The following TBL1XR1 variants were observed in gnomAD, a reference collection of about 807,000 sequenced individuals.
TBL1XR1 encodes F-box-like/WD repeat-containing protein TBL1XR1.
A neutral mutation model predicts 66.9 loss-of-function variants in TBL1XR1; 5 were observed. The ratio of observed to expected loss-of-function variants is 0.07; its 90% CI spans 0.04 to 0.16. The LOEUF (loss-of-function observed/expected upper bound fraction) is 0.16. Among genes scored for constraint, TBL1XR1 ranks in the 10% least tolerant of loss-of-function variants. The pLI is 1.00. For missense variants in TBL1XR1, 238 were observed against 623.2 expected (o/e 0.38, Z 6.58); for synonymous variants, 210 against 206.0 (o/e 1.02, Z -0.17).
intron 2 of TBL1XR1, among the ~76,000 whole-genome samples, chr3:177,073,033 C>T (rs1378862438): frequency 2.0e-5 from 3 of 151,914 alleles, no homozygotes; most frequent in Non-Finnish European, 2.9e-5. Flanking sequence ...CACTGCACTC[C>T]AACCTGGGTG....
At chr3:177,053,201 A>G (rs1419960976) in intron 4 of TBL1XR1, among the ~76,000 whole-genome samples, 2 of 152,238 alleles carry the variant, frequency 1.3e-5, no homozygotes, top group Non-Finnish European at 2.9e-5. Context: ...ATATTAATTT[A>G]GGCTCTGCAG....
intron 1 of TBL1XR1, among the ~76,000 whole-genome samples, chr3:177,187,419 A>G (rs997041754): frequency 2.0e-5 from 3 of 151,392 alleles, no homozygotes; most frequent in African/African-American, 7.3e-5. Context: ...GAATCCTAGG[A>G]TCTTAATAAA....
intron 2 of TBL1XR1, among the ~76,000 whole-genome samples, chr3:177,066,296 A>G (rs1719156175): frequency 6.6e-6 from 1 of 152,144 alleles, no homozygotes; most frequent in Non-Finnish European, 1.5e-5. Flanking sequence ...ATGGGAGGCA[A>G]TGACAATTTT....
At chr3:177,170,243 C>G (rs554698972) in intron 1 of TBL1XR1, among the ~76,000 whole-genome samples, 1 of 152,156 alleles carries the variant, frequency 6.6e-6, no homozygotes, top group Admixed American at 6.5e-5. Flanking sequence ...ACAAGCCTCT[C>G]ATGACCTGGG....
At chr3:177,075,015 CCTT>C (rs1720514631) in intron 2 of TBL1XR1, among the ~76,000 whole-genome samples, 1 of 152,184 alleles carries the variant, frequency 6.6e-6, no homozygotes, top group Non-Finnish European at 1.5e-5. Flanking sequence ...ATCCACATGT[CCTT>C]CTGCATCAGT....
intron 2 of TBL1XR1, among the ~76,000 whole-genome samples, chr3:177,095,239 C>T (rs902625641): frequency 6.6e-6 from 1 of 151,604 alleles, no homozygotes; most frequent in Non-Finnish European, 1.5e-5. Context: ...AACTCGCAGG[C>T]GGGTAGGAGA....
chr3:177,031,815 G>C (rs528553370), intron 14 of TBL1XR1, among the ~76,000 whole-genome samples: 1 of 151,564 alleles, frequency 6.6e-6, no homozygotes, highest in Non-Finnish European at 1.5e-5. Context: ...TGTAATGTAA[G>C]ATTCAGGCTT....
chr3:177,181,482 A>AT (rs1734816993), intron 1 of TBL1XR1, among the ~76,000 whole-genome samples: 1 of 151,086 alleles, frequency 6.6e-6, no homozygotes, highest in Non-Finnish European at 1.5e-5. Context: ...TCCGTCTTAA[A>AT]AAAAAAAAAA....
At chr3:177,032,781 G>T (rs1006953677) in intron 14 of TBL1XR1, 190 bp downstream of exon 14, 10 of 432,766 alleles carry the variant, frequency 2.3e-5, no homozygotes, top group Non-Finnish European at 3.6e-5. Flanking sequence ...TAAAACAAAT[G>T]ATCAAAATCC....
chr3:177,115,624 T>C (rs990393020), intron 1 of TBL1XR1, among the ~76,000 whole-genome samples: 3 of 152,158 alleles, frequency 2.0e-5, no homozygotes, highest in African/African-American at 4.8e-5. Context: ...CATTCCACTC[T>C]TTCCCCGCAA....
intron 1 of TBL1XR1, among the ~76,000 whole-genome samples, chr3:177,107,368 T>G: frequency 6.6e-6 from 1 of 152,366 alleles, no homozygotes; most frequent in East Asian, 1.9e-4. Flanking sequence ...ATTTTGAAAG[T>G]TGGCATAATC....
intron 1 of TBL1XR1, among the ~76,000 whole-genome samples, chr3:177,184,320 C>T (rs1009114436): frequency 1.3e-5 from 2 of 152,116 alleles, no homozygotes; most frequent in Non-Finnish European, 2.9e-5. Context: ...TTCCACAAAT[C>T]CCATTGTGCC....
intron 2 of TBL1XR1, among the ~76,000 whole-genome samples, chr3:177,095,753 G>C (rs1294427426): frequency 6.6e-6 from 1 of 152,146 alleles, no homozygotes; most frequent in Admixed American, 6.5e-5. Context: ...AAAGTGCTGG[G>C]ATTATAGGCA....
At chr3:177,032,784 C>A in intron 14 of TBL1XR1, 187 bp downstream of exon 14, 4 of 440,190 alleles carry the variant, frequency 9.1e-6, no homozygotes, top group East Asian at 7.2e-5. Flanking sequence ...AACAAATGAT[C>A]AAAATCCATT....
intron 2 of TBL1XR1, among the ~76,000 whole-genome samples, chr3:177,096,707 T>C (rs932874327): frequency 4.6e-5 from 7 of 152,168 alleles, no homozygotes; most frequent in Non-Finnish European, 1.0e-4. Context: ...CCAAAGTTGA[T>C]TTACCATGAA....
At chr3:177,167,149 T>C (rs1732920512) in intron 1 of TBL1XR1, among the ~76,000 whole-genome samples, 1 of 152,156 alleles carries the variant, frequency 6.6e-6, no homozygotes, top group South Asian at 2.1e-4. Flanking sequence ...AGACAATGGA[T>C]TATTATTCTA....
chr3:177,062,745 T>C (rs1396886287), intron 3 of TBL1XR1, among the ~76,000 whole-genome samples: 3 of 152,174 alleles, frequency 2.0e-5, no homozygotes, highest in Non-Finnish European at 2.9e-5. Flanking sequence ...CAGTCTACCA[T>C]ACAAATTTTT....
chr3:177,107,683 T>G (rs973142401), intron 1 of TBL1XR1, among the ~76,000 whole-genome samples: 5 of 152,164 alleles, frequency 3.3e-5, no homozygotes, highest in Non-Finnish European at 7.3e-5. Flanking sequence ...CACACACACA[T>G]AGATACACCA....
intron 13 of TBL1XR1, 121 bp from the exon 14 acceptor site, chr3:177,033,257 C>T: frequency 1.5e-6 from 1 of 648,836 alleles, no homozygotes; most frequent in Non-Finnish European, 2.4e-6. Context: ...GAGAAGCAGA[C>T]CGACTGGACT....
Sources: gnomAD v4.1 joint callset for allele counts (sites outside exome capture counted in the v4.1 genomes callset) on GRCh38, gnomAD v4.1.1 for gene constraint, MANE v1.5 for transcripts, NCBI Gene and HGNC (gene_info 2026-07-23, HGNC 2026-07-21) for gene names.